Variants in ARID3B observed in about 807,000 individuals in gnomAD.
ARID3B encodes AT-rich interaction domain 3B.
In ARID3B, 10 loss-of-function variants were observed where a neutral mutation model predicts 51.9. The ratio of observed to expected loss-of-function variants is 0.19; its 90% CI spans 0.12 to 0.33. The LOEUF (loss-of-function observed/expected upper bound fraction) is 0.33. ARID3B is among the 10% of genes least tolerant of loss of function. The probability of loss-of-function intolerance (pLI) is 1.00; values close to 1 mark genes in which losing one functional copy is unlikely to be tolerated. For synonymous variants in ARID3B, 205 were observed against 279.5 expected (o/e 0.73, Z 2.66); for missense variants, 483 against 716.3 (o/e 0.67, Z 3.72).
intron 2 of ARID3B, among the ~76,000 whole-genome samples, chr15:74,556,776 G>GTTTTTTTTTTTT (rs1283802329): frequency 1.1e-4 from 13 of 122,526 alleles, no homozygotes; most frequent in African/African-American, 3.4e-4. Flanking sequence ...TTTGTTTTTT[G>GTTTTTTTTTTTT]TTTTTTTTTT....
intron 1 of ARID3B, among the ~76,000 whole-genome samples, 178 bp downstream of exon 1, chr15:74,541,508 C>T (rs905484831): frequency 5.9e-5 from 9 of 152,246 alleles, no homozygotes; most frequent in African/African-American, 1.9e-4. Context: ...GCCCTGTGCC[C>T]ATTAGGGCAT....
At chr15:74,582,920 A>G (rs2061767075) in intron 4 of ARID3B, among the ~76,000 whole-genome samples, 1 of 152,084 alleles carries the variant, frequency 6.6e-6, no homozygotes, top group African/African-American at 2.4e-5. Flanking sequence ...CTAGCCGGGT[A>G]CGGTGGCTCA....
chr15:74,579,681 A>G (rs772973814), intron 4 of ARID3B, among the ~76,000 whole-genome samples: 3 of 152,122 alleles, frequency 2.0e-5, no homozygotes, highest in African/African-American at 7.2e-5. Flanking sequence ...GCTGTGTAAT[A>G]TATTTCCTCT....
intron 8 of ARID3B, among the ~76,000 whole-genome samples, chr15:74,594,707 G>C (rs923983986): frequency 2.0e-5 from 3 of 152,262 alleles, no homozygotes; most frequent in African/African-American, 7.2e-5. Flanking sequence ...CTGGATCTCT[G>C]CTGGGCCACT....
At chr15:74,560,156 G>A (rs868267199) in intron 2 of ARID3B, among the ~76,000 whole-genome samples, 1 of 150,292 alleles carries the variant, frequency 6.7e-6, no homozygotes, top group African/African-American at 2.4e-5. Context: ...AGTGAGCCAC[G>A]ATTGCACCAC....
intron 4 of ARID3B, among the ~76,000 whole-genome samples, chr15:74,579,864 TGTGTGTGTGCGC>T (rs1244137783): frequency 0.023 from 3,157 of 136,268 alleles, 104 homozygotes; most frequent in African/African-American, 0.083. Flanking sequence ...TGTGTGTGTG[TGTGTGTGTGCGC>T]GCGCGCGCAC....
chr15:74,543,380 T>G (rs1237984296), intron 1 of ARID3B, among the ~76,000 whole-genome samples: 1 of 152,198 alleles, frequency 6.6e-6, no homozygotes, highest in Non-Finnish European at 1.5e-5. Flanking sequence ...AGAGGTGATA[T>G]CTTTCTCCTG....
At chr15:74,553,435 T>G (rs986839890) in intron 2 of ARID3B, among the ~76,000 whole-genome samples, 1 of 152,266 alleles carries the variant, frequency 6.6e-6, no homozygotes, top group African/African-American at 2.4e-5. Flanking sequence ...GATCTCACTT[T>G]TGCTGTACCC....
chr15:74,564,032 C>G (rs779477379), intron 2 of ARID3B, among the ~76,000 whole-genome samples: 5 of 152,318 alleles, frequency 3.3e-5, no homozygotes, highest in Non-Finnish European at 5.9e-5. Context: ...TTGATCTCCG[C>G]TGCTAGCAAG....
At chr15:74,572,955 A>C in intron 3 of ARID3B, 22 bp downstream of exon 3, 1 of 1,613,140 alleles carries the variant, frequency 6.2e-7, no homozygotes, top group South Asian at 1.1e-5. Context: ...TTCCTTTGTG[A>C]TACAGATAGG....
intron 2 of ARID3B, among the ~76,000 whole-genome samples, chr15:74,555,494 T>C (rs2061654188): frequency 6.6e-6 from 1 of 152,102 alleles, no homozygotes; most frequent in South Asian, 2.1e-4. Context: ...CATGCCCAAC[T>C]AATTTTTAAA....
chr15:74,584,411 G>C (rs1021594505), intron 4 of ARID3B, among the ~76,000 whole-genome samples: 1 of 152,172 alleles, frequency 6.6e-6, no homozygotes, highest in African/African-American at 2.4e-5. Context: ...TTGACAGTCA[G>C]GCTATGGAAA....
At chr15:74,562,124 ATTTTCTTTTC>A (rs200129208) in intron 2 of ARID3B, among the ~76,000 whole-genome samples, 25 of 149,294 alleles carry the variant, frequency 1.7e-4, no homozygotes, top group Admixed American at 2.7e-4. Context: ...CGACAACGGT[ATTTTCTTTTC>A]TTTTCTTTTC....
intron 4 of ARID3B, among the ~76,000 whole-genome samples, chr15:74,575,527 G>T (rs1030254503): frequency 1.3e-5 from 2 of 152,192 alleles, no homozygotes; most frequent in Admixed American, 1.3e-4. Context: ...AGGTTTGGGT[G>T]CATCTGTGTC....
At chr15:74,570,571 C>T (rs181339939) in intron 2 of ARID3B, among the ~76,000 whole-genome samples, 3 of 151,112 alleles carry the variant, frequency 2.0e-5, no homozygotes, top group Non-Finnish European at 2.9e-5. Context: ...GAGCTCTCGC[C>T]AGAGAATTGG....
In ARID3B at chr15:74,545,566, G is replaced by A. The variant is rs117419740; in HGVS notation, c.552+1078G>A. Among the ~76,000 whole-genome samples the A allele has an allele frequency of 6.0e-3, 919 of 152,312 alleles. 6 individuals are homozygous for A. Among genetic ancestry groups the A allele is most frequent in the Non-Finnish European group, 0.011 (744 of 68,028 alleles). On this transcript the variant is annotated intron_variant, in intron 2 of 8. Coordinates refer to ENST00000346246, the MANE Select transcript of ARID3B (RefSeq NM_006465.4). ...GCCCAAAGGATGGGAGTGATGATAA[G>A]TTGTTCCAGCTTAAGTGACTTGTTG...
At chr15:74,554,987 G>T (rs1480775355) in intron 2 of ARID3B, among the ~76,000 whole-genome samples, 1 of 151,810 alleles carries the variant, frequency 6.6e-6, no homozygotes, top group Non-Finnish European at 1.5e-5. Context: ...ATGTTTTATT[G>T]CTCTTGAATG....
chr15:74,576,093 C>T (rs774553087), intron 4 of ARID3B, among the ~76,000 whole-genome samples: 2 of 152,146 alleles, frequency 1.3e-5, no homozygotes, highest in Admixed American at 6.6e-5. Context: ...TGAGGTCTCA[C>T]TATGTTGCCC....
At chr15:74,555,968 ATT>A (rs2061656039) in intron 2 of ARID3B, among the ~76,000 whole-genome samples, 3 of 150,842 alleles carry the variant, frequency 2.0e-5, no homozygotes, top group Admixed American at 2.0e-4. Context: ...ATTTTTTGGT[ATT>A]TTTAGTAGAG....
Sources: allele counts gnomAD v4.1 joint callset (sites outside exome capture counted in the v4.1 genomes callset), GRCh38; gene constraint gnomAD v4.1.1; transcripts MANE v1.5; gene names NCBI Gene and HGNC (gene_info 2026-07-23, HGNC 2026-07-21).